ZNF337: variants seen among roughly 807,000 people sequenced by gnomAD.
The protein encoded by ZNF337 is zinc finger protein 337.
ZNF337 carries 8 observed loss-of-function variants against 12.1 expected under a neutral mutation model. The observed-to-expected ratio is 0.66, with a 90% confidence interval of 0.39 to 1.19. The LOEUF (loss-of-function observed/expected upper bound fraction) is 1.19, where lower values mean the gene tolerates loss of function less well. ZNF337 is among the 50% of genes most tolerant of loss of function. The pLI is 0.01. For missense variants in ZNF337, 882 were observed against 896.6 expected (o/e 0.98, Z 0.21); for synonymous variants, 336 against 320.0 (o/e 1.05, Z -0.53).
chr20:25,693,403 C>T (rs1282185793), intron 1 of ZNF337, among the ~76,000 whole-genome samples: 4 of 152,186 alleles, frequency 2.6e-5, no homozygotes, highest in Non-Finnish European at 4.4e-5. Context: ...CTGATTAACA[C>T]GCCACTTCTT....
chr20:25,687,319 C>A (rs73907612), intron 1 of ZNF337, among the ~76,000 whole-genome samples: 1 of 151,572 alleles, frequency 6.6e-6, no homozygotes, highest in Non-Finnish European at 1.5e-5. Context: ...TTATTTTCTC[C>A]GAATTTTTTG....
Position 25,676,786 on chromosome 20 carries a change from C to G in ZNF337, c.502G>C (p.Val168Leu), listed in dbSNP as rs1479138490. 5.0e-6 allele frequency: 8 copies of G among 1,614,192 alleles called. No homozygotes were observed. Among genetic ancestry groups the G allele is most frequent in the Admixed American group, 1.7e-5 (1 of 60,032 alleles). Reference sequence around the variant, plus strand: ...CTTGAATTTTCTATTCCTTTCAATACTTTGTCTATTTCTGTAGGATTTTCC... The same window carrying G: ...CTTGAATTTTCTATTCCTTTCAATAGTTTGTCTATTTCTGTAGGATTTTCC... The part of the protein sequence containing the change: ...QRENPTEIDK[V>L]LKGIENSRWG... The change falls in exon 5 of 5, where the codon GTA (valine) becomes CTA (leucine). Residue 168 changes from valine (V) to leucine (L), a missense_variant. Physicochemically the swap from Val to Leu is conservative, Grantham distance 32. Coordinates refer to ENST00000252979, the MANE Select transcript of ZNF337 (RefSeq NM_015655.4).
chr20:25,690,872 G>C (rs1569016371), intron 1 of ZNF337, among the ~76,000 whole-genome samples: 2 of 152,118 alleles, frequency 1.3e-5, no homozygotes, highest in Admixed American at 6.5e-5. Flanking sequence ...CCCTGGAAAA[G>C]AGTCAGTCTG....
intron 1 of ZNF337, among the ~76,000 whole-genome samples, chr20:25,689,642 C>G (rs1220946834): frequency 6.6e-6 from 1 of 152,168 alleles, no homozygotes; most frequent in South Asian, 2.1e-4. Context: ...AAAATCCTCT[C>G]AGAGATCAAG....
At chr20:25,696,607 G>T (rs2065933026) in intron 1 of ZNF337, among the ~76,000 whole-genome samples, 152 bp downstream of exon 1, 1 of 152,174 alleles carries the variant, frequency 6.6e-6, no homozygotes, top group Admixed American at 6.5e-5. Context: ...CGCGGCCTGG[G>T]TCTCCGCCCC....
intron 1 of ZNF337, among the ~76,000 whole-genome samples, chr20:25,688,808 C>G (rs757309637): frequency 6.6e-6 from 1 of 152,122 alleles, no homozygotes; most frequent in Non-Finnish European, 1.5e-5. Context: ...TGTTCCTAAG[C>G]GGAGAACTAC....
At position 25,676,658 on chromosome 20, in the gene ZNF337, G is replaced by A. The variant is rs747083198; in HGVS notation, c.630C>T (p.Cys210=). Residue 210 remains cysteine (C), a synonymous_variant, in exon 5 of 5, where the codon TGC becomes TGT. Coordinates refer to ENST00000252979, the MANE Select transcript of ZNF337 (RefSeq NM_015655.4). ...KAHSRQKLFT[C]RECHQGFRDE... Reference sequence around the variant, plus strand: ...CTCTAAAGCCCTGGTGACACTCCCTGCATGTAAAAAGTTTCTGCCTGGAAT... The same window carrying A: ...CTCTAAAGCCCTGGTGACACTCCCTACATGTAAAAAGTTTCTGCCTGGAAT... 6.2e-7 allele frequency: 1 copy of A among 1,614,160 alleles called. No homozygotes were observed. The highest frequency in any genetic ancestry group is 1.1e-5 in the South Asian group (1 of 91,078).
intron 1 of ZNF337, among the ~76,000 whole-genome samples, chr20:25,687,196 AATG>A (rs2065842109): frequency 6.6e-6 from 1 of 152,250 alleles, no homozygotes; most frequent in Non-Finnish European, 1.5e-5. Flanking sequence ...CATGAGTGAA[AATG>A]ATGTCTGGAT....
rs560408695 is a variant in ZNF337 at position 25,685,451 on chromosome 20, C to T, written c.250+116G>A. 6.2e-6 allele frequency: 5 copies of T among 805,858 alleles called. No homozygotes were observed. In the African/African-American group the frequency reaches 8.7e-5, roughly 14 times the overall value. 49.9% of individuals were successfully genotyped at this position (805,858 alleles called of 1,614,324 possible). ...TGGAAGGAAGGCAGGGCCAGGTGGT[C>T]TGAAGAGCAGCCAAGGAGGCCAGAA... On this transcript the variant is annotated intron_variant, in intron 4 of 4. Coordinates refer to ENST00000252979, the MANE Select transcript of ZNF337 (RefSeq NM_015655.4).
intron 1 of ZNF337, among the ~76,000 whole-genome samples, chr20:25,694,966 T>C (rs4815445): frequency 0.26 from 39,521 of 152,118 alleles, 8,880 homozygotes; most frequent in African/African-American, 0.6. Context: ...TAAGCCTTTC[T>C]TAGGTCTGGA....
Position 25,676,253 on chromosome 20 carries a change from C to G in ZNF337, c.1035G>C (p.Glu345Asp). The change falls in exon 5 of 5, where the codon GAG (glutamate) becomes GAC (aspartate). Residue 345 changes from glutamate to aspartate, a missense_variant. Transcript: ENST00000252979. The part of the protein sequence containing the change: ...FVVHKRIHSG[E>D]KPYRCQECGR... ...CACACTCCTGGCATCTGTAAGGCTT[C>G]TCTCCTGAGTGTATTCTCTTGTGCA... 6.2e-7 allele frequency: 1 copy of G among 1,614,006 alleles called. No homozygotes were observed. Among genetic ancestry groups the G allele is most frequent in the East Asian group, 2.2e-5 (1 of 44,856 alleles).
At position 25,676,938 on chromosome 20, in the gene ZNF337, G is replaced by A. The variant is rs1240945715; in HGVS notation, c.350C>T (p.Thr117Ile). The A allele has an allele frequency of 1.9e-6, 3 of 1,614,116 alleles. No individual in the cohort carries two copies. Among genetic ancestry groups the A allele is most frequent in the Non-Finnish European group, 2.5e-6 (3 of 1,180,034 alleles). The stretch of plus-strand genomic sequence containing the variant: ...TTTTTCTTTCTCTTGACCTTCAGCT[G>A]TGTCACTCTGGAAGCTTTGATCAGA... The part of the protein sequence containing the change: ...QFSDQSFQSD[T>I]AEGQEKEKST... The change falls in exon 5 of 5, where the codon ACA (threonine) becomes ATA (isoleucine). Residue 117 changes from threonine to isoleucine, a missense_variant. By Grantham distance (89) the Thr-to-Ile change is moderately conservative. Coordinates refer to ENST00000252979, the MANE Select transcript of ZNF337 (RefSeq NM_015655.4).
At chr20:25,682,468 T>C (rs1266080041) in intron 4 of ZNF337, among the ~76,000 whole-genome samples, 4 of 152,182 alleles carry the variant, frequency 2.6e-5, no homozygotes, top group Admixed American at 6.6e-5. Flanking sequence ...TTTTCAAGTA[T>C]TGGATAGTTC....
At chr20:25,683,852 G>C (rs936132071) in intron 4 of ZNF337, among the ~76,000 whole-genome samples, 2 of 152,028 alleles carry the variant, frequency 1.3e-5, no homozygotes, top group African/African-American at 2.4e-5. Flanking sequence ...CCCATTACCA[G>C]GTATATACCC....
At chr20:25,688,564 C>T (rs1320893569) in intron 1 of ZNF337, among the ~76,000 whole-genome samples, 1 of 152,140 alleles carries the variant, frequency 6.6e-6, no homozygotes, top group Admixed American at 6.5e-5. Flanking sequence ...TCACACATAA[C>T]CTTTGTTTCA....
In ZNF337 at chr20:25,676,822, G is replaced by C. The variant is rs760472824; in HGVS notation, c.466C>G (p.Gln156Glu). The C allele has an allele frequency of 6.2e-7, 1 of 1,614,078 alleles. No individual in the cohort carries two copies. The change falls in exon 5 of 5, where the codon CAA (glutamine) becomes GAA (glutamate). Residue 156 changes from glutamine to glutamate, a missense_variant. Gln to Glu is a conservative substitution (Grantham distance 29). Transcript: ENST00000252979. ...TCTGTAGGATTTTCCCTCTGGCCTT[G>C]ACTAGACTCTATTTCCACTACACTG... ...RNSVVEIESS[Q>E]GQRENPTEID...
At chr20:25,686,144 T>C (rs746225486) in intron 2 of ZNF337, 22 bp from the exon 3 acceptor site, 2 of 1,613,662 alleles carry the variant, frequency 1.2e-6, no homozygotes, top group Non-Finnish European at 1.7e-6. Flanking sequence ...AACCCAGGCA[T>C]GCTCACCAGG....
chr20:25,680,638 T>C (rs529056278), intron 4 of ZNF337: 25 of 152,308 alleles, frequency 1.6e-4, no homozygotes, highest in Non-Finnish European at 3.4e-4. Context: ...TTGTCAGATA[T>C]ATGATTATAT....
intron 1 of ZNF337, among the ~76,000 whole-genome samples, chr20:25,689,199 G>T (rs1316869998): frequency 6.6e-6 from 1 of 151,934 alleles, no homozygotes; most frequent in East Asian, 1.9e-4. Flanking sequence ...AGCTACTCAG[G>T]AGTCTGAGGC....
Sources: gnomAD v4.1 joint callset for allele counts (sites outside exome capture counted in the v4.1 genomes callset) on GRCh38, gnomAD v4.1.1 for gene constraint, MANE v1.5 for transcripts, NCBI Gene and HGNC (gene_info 2026-07-23, HGNC 2026-07-21) for gene names.